ZNF423: variants seen among roughly 807,000 people sequenced by gnomAD.
ZNF423 encodes the protein zinc finger protein 423, also known as Ebf-associated zinc finger protein.
In ZNF423, 12 loss-of-function variants were observed where a neutral mutation model predicts 95.8. The ratio of observed to expected loss-of-function variants is 0.13; its 90% CI spans 0.08 to 0.20. ZNF423 has a LOEUF of 0.20. Ranked by LOEUF, ZNF423 falls within the 10% of genes least tolerant of loss-of-function variation. The probability of loss-of-function intolerance (pLI) is 1.00; values close to 1 mark genes in which losing one functional copy is unlikely to be tolerated. For synonymous variants in ZNF423, 749 were observed against 711.9 expected (o/e 1.05, Z -0.83); for missense variants, 1,316 against 1,737.1 (o/e 0.76, Z 4.31).
At chr16:49,768,648 G>A (rs781671016) in intron 2 of ZNF423, among the ~76,000 whole-genome samples, 10 of 151,898 alleles carry the variant, frequency 6.6e-5, no homozygotes, top group Admixed American at 2.6e-4. Flanking sequence ...ATCCTTCAAC[G>A]TCGATGTCCC....
At chr16:49,502,155 C>T (rs934382356) in intron 7 of ZNF423, among the ~76,000 whole-genome samples, 2 of 152,190 alleles carry the variant, frequency 1.3e-5, no homozygotes, top group African/African-American at 2.4e-5. Context: ...AGCTTGAGAC[C>T]TCTGGGGTTG....
intron 5 of ZNF423, among the ~76,000 whole-genome samples, chr16:49,537,961 T>C (rs533180266): frequency 6.6e-6 from 1 of 152,260 alleles, no homozygotes; most frequent in African/African-American, 2.4e-5. Context: ...TTAGACCCCA[T>C]TGCCAGCTCC....
intron 3 of ZNF423, among the ~76,000 whole-genome samples, chr16:49,728,496 G>A (rs1381942577): frequency 2.0e-5 from 3 of 152,124 alleles, no homozygotes; most frequent in East Asian, 1.9e-4. Flanking sequence ...CAGGAGTGTC[G>A]GTGGATACCA....
At chr16:49,783,767 C>T (rs995708871) in intron 2 of ZNF423, among the ~76,000 whole-genome samples, 2 of 151,808 alleles carry the variant, frequency 1.3e-5, no homozygotes, top group Admixed American at 6.6e-5. Context: ...GTCAGGAGAT[C>T]GAGATCATCC....
At chr16:49,854,526 G>A in intron 1 of ZNF423, 1 of 985,468 alleles carries the variant, frequency 1.0e-6, no homozygotes, top group Middle Eastern at 5.2e-4. Context: ...GTCATCAGGG[G>A]AGATGGGAGA....
chr16:49,624,034 C>T (rs1972172956), intron 5 of ZNF423, among the ~76,000 whole-genome samples: 1 of 152,324 alleles, frequency 6.6e-6, no homozygotes, highest in African/African-American at 2.4e-5. Context: ...GTCCATACAA[C>T]CACTTCAGAA....
At chr16:49,728,407 C>G (rs1313403848) in intron 3 of ZNF423, among the ~76,000 whole-genome samples, 1 of 152,158 alleles carries the variant, frequency 6.6e-6, no homozygotes, top group Non-Finnish European at 1.5e-5. Flanking sequence ...GACTCCCTTC[C>G]AATGCTCCAG....
At chr16:49,595,285 C>T (rs1326469359) in intron 5 of ZNF423, among the ~76,000 whole-genome samples, 1 of 152,244 alleles carries the variant, frequency 6.6e-6, no homozygotes, top group African/African-American at 2.4e-5. Context: ...CACACTGGGA[C>T]ATTGTCCCTG....
chr16:49,735,667 TCCCCCTTCAAGCCCA>T (rs2033268826), intron 2 of ZNF423, among the ~76,000 whole-genome samples: 1 of 151,810 alleles, frequency 6.6e-6, no homozygotes, highest in African/African-American at 2.4e-5. Flanking sequence ...CCTGGGACAC[TCCCCCTTCAAGCCCA>T]GCAGCCATAA....
intron 2 of ZNF423, among the ~76,000 whole-genome samples, chr16:49,735,763 C>T (rs1400307554): frequency 1.3e-5 from 2 of 152,148 alleles, no homozygotes; most frequent in African/African-American, 4.8e-5. Flanking sequence ...GCTTCCAGCA[C>T]CGACTTCAGC....
At chr16:49,701,403 G>T (rs770745488) in intron 3 of ZNF423, among the ~76,000 whole-genome samples, 1 of 152,050 alleles carries the variant, frequency 6.6e-6, no homozygotes, top group Non-Finnish European at 1.5e-5. Flanking sequence ...AAACCAGTTC[G>T]CACGGGAGAT....
chr16:49,654,354 T>C (rs1380071001), intron 3 of ZNF423, among the ~76,000 whole-genome samples: 2 of 152,176 alleles, frequency 1.3e-5, no homozygotes, highest in Non-Finnish European at 2.9e-5. Context: ...TAAGAGTAGG[T>C]CCTCATTTCC....
At chr16:49,671,453 C>T (rs528066135) in intron 3 of ZNF423, among the ~76,000 whole-genome samples, 1 of 152,332 alleles carries the variant, frequency 6.6e-6, no homozygotes, top group African/African-American at 2.4e-5. Context: ...GTCCCACCTC[C>T]AGCCAAGAGG....
At chr16:49,516,287 T>A (rs890924383) in intron 7 of ZNF423, among the ~76,000 whole-genome samples, 4 of 152,176 alleles carry the variant, frequency 2.6e-5, no homozygotes, top group African/African-American at 9.7e-5. Flanking sequence ...ACTTGGAGTC[T>A]CACTTTGTTC....
intron 2 of ZNF423, among the ~76,000 whole-genome samples, chr16:49,783,780 G>T (rs1229754158): frequency 6.6e-6 from 1 of 151,938 alleles, no homozygotes; most frequent in Non-Finnish European, 1.5e-5. Context: ...GATCATCCTG[G>T]CCAACATGGT....
At chr16:49,653,423 T>C (rs1973492209) in intron 3 of ZNF423, among the ~76,000 whole-genome samples, 2 of 151,854 alleles carry the variant, frequency 1.3e-5, no homozygotes, top group Non-Finnish European at 2.9e-5. Context: ...CCCGGAACAA[T>C]TTAAAACTAT....
intron 2 of ZNF423, among the ~76,000 whole-genome samples, chr16:49,741,343 C>T (rs1192949525): frequency 6.6e-6 from 1 of 151,418 alleles, no homozygotes; most frequent in Non-Finnish European, 1.5e-5. Flanking sequence ...AAAAATGCCC[C>T]AAAAAAATAA....
rs1475850747 is a variant in ZNF423 at position 49,789,497 on chromosome 16, C to T, written c.90G>A (p.Val30=). 1 of 1,612,564 alleles carries T rather than the reference C, an allele frequency of 6.2e-7. No individual in the cohort carries two copies. Among genetic ancestry groups the T allele is most frequent in the Admixed American group, 1.7e-5 (1 of 59,594 alleles). The change falls in exon 2 of 8, where the codon GTG becomes GTA. Residue 30 remains valine (V), a synonymous_variant. Coordinates refer to ENST00000563137, the MANE Select transcript of ZNF423 (RefSeq NM_001379286.1). ...SDFSLAWDSS[V]TAAGGLEGEP... ...CCCCCGGGCATTTACCTGCTGCTGTCACGGAGGAATCCCAGGCCAGCGAGA... is the reference window on the plus strand; with the variant it reads ...CCCCCGGGCATTTACCTGCTGCTGTTACGGAGGAATCCCAGGCCAGCGAGA...
chr16:49,617,144 C>T (rs1971903857), intron 5 of ZNF423, among the ~76,000 whole-genome samples: 1 of 152,134 alleles, frequency 6.6e-6, no homozygotes, highest in African/African-American at 2.4e-5. Context: ...ACCAGATAAC[C>T]AGCTCCACCT....
Sources: allele counts gnomAD v4.1 joint callset (sites outside exome capture counted in the v4.1 genomes callset), GRCh38; gene constraint gnomAD v4.1.1; transcripts MANE v1.5; gene names NCBI Gene and HGNC (gene_info 2026-07-23, HGNC 2026-07-21).